The following GPM6A variants were observed in gnomAD, a reference collection of about 807,000 sequenced individuals.
GPM6A encodes neuronal membrane glycoprotein M6-a.
A neutral mutation model predicts 32.1 loss-of-function variants in GPM6A; 7 were observed. The observed-to-expected ratio is 0.22, with a 90% CI of 0.12 to 0.41. The LOEUF (loss-of-function observed/expected upper bound fraction) is 0.41. GPM6A is among the 10% of genes least tolerant of loss of function. The pLI is 1.00. For missense variants in GPM6A, 235 were observed against 347.2 expected (o/e 0.68, Z 2.57); for synonymous variants, 130 against 123.4 (o/e 1.05, Z -0.35).
chr4:175,948,994 T>TGTGTG (rs70962435), intron 1 of GPM6A, among the ~76,000 whole-genome samples: 2 of 137,390 alleles, frequency 1.5e-5, no homozygotes, highest in Non-Finnish European at 1.6e-5. Flanking sequence ...TGTGTGTGTG[T>TGTGTG]TGGGGGGATG....
At chr4:175,841,375 G>A (rs1028646618) in intron 1 of GPM6A, among the ~76,000 whole-genome samples, 7 of 151,942 alleles carry the variant, frequency 4.6e-5, no homozygotes, top group African/African-American at 1.5e-4. Context: ...CATATTTAAT[G>A]TACGCGCCTG....
intron 1 of GPM6A, among the ~76,000 whole-genome samples, chr4:175,867,261 C>T (rs754871682): frequency 2.0e-5 from 3 of 152,048 alleles, no homozygotes; most frequent in Non-Finnish European, 4.4e-5. Context: ...TTTTAATAAA[C>T]CCCAGTTTAT....
At chr4:175,988,685 T>C (rs903567773) in intron 1 of GPM6A, among the ~76,000 whole-genome samples, 2 of 152,142 alleles carry the variant, frequency 1.3e-5, no homozygotes, top group Admixed American at 1.3e-4. Context: ...GGTCTAAAGA[T>C]GCATGACAAA....
Position 175,864,419 on chromosome 4 carries a change from T to C in GPM6A, c.-22-52170A>G, listed in dbSNP as rs371266036. Among the ~76,000 whole-genome samples, 957 of 151,488 alleles carry C rather than the reference T, an allele frequency of 6.3e-3. 8 individuals carry two copies. The highest frequency in any genetic ancestry group is 0.022 in the African/African-American group (894 of 40,870). ...CTGGACTCAAGCAGTCTGCCCACATTTGCCTCCAACTTCCAAAGTGCTGGG... is the reference window on the plus strand; with the variant it reads ...CTGGACTCAAGCAGTCTGCCCACATCTGCCTCCAACTTCCAAAGTGCTGGG... On this transcript the variant is annotated intron_variant, in intron 1 of 7. Transcript: ENST00000280187.
At chr4:175,636,685 A>G (rs975364445) in intron 6 of GPM6A, among the ~76,000 whole-genome samples, 6 of 150,600 alleles carry the variant, frequency 4.0e-5, no homozygotes, top group Non-Finnish European at 8.9e-5. Flanking sequence ...AATCCCAGCT[A>G]CTCGGGAGGA....
intron 2 of GPM6A, among the ~76,000 whole-genome samples, chr4:175,696,455 G>A (rs1405652320): frequency 6.6e-6 from 1 of 152,034 alleles, no homozygotes; most frequent in Non-Finnish European, 1.5e-5. Flanking sequence ...GTGTTTTGAG[G>A]TTTTTAAAAA....
At chr4:175,746,212 G>A (rs557586184) in intron 1 of GPM6A, among the ~76,000 whole-genome samples, 23 of 152,112 alleles carry the variant, frequency 1.5e-4, no homozygotes, top group South Asian at 1.2e-3. Flanking sequence ...ATTGCTAAAA[G>A]GGAGAGAATT....
intron 1 of GPM6A, among the ~76,000 whole-genome samples, chr4:175,970,485 A>G (rs1740468521): frequency 6.6e-6 from 1 of 152,346 alleles, no homozygotes; most frequent in Non-Finnish European, 1.5e-5. Flanking sequence ...GTGTTATAAC[A>G]TATGTATTTA....
At chr4:175,962,577 T>C (rs113409260) in intron 1 of GPM6A, 298 of 316,172 alleles carry the variant, frequency 9.4e-4, no homozygotes, top group African/African-American at 5.9e-3. Flanking sequence ...TACTCATTAC[T>C]ACTTTGGTTT....
At chr4:175,736,828 G>A (rs1446306318) in intron 1 of GPM6A, among the ~76,000 whole-genome samples, 1 of 152,132 alleles carries the variant, frequency 6.6e-6, no homozygotes, top group African/African-American at 2.4e-5. Context: ...ACTGTGGATC[G>A]GTAAGATTAT....
intron 1 of GPM6A, among the ~76,000 whole-genome samples, chr4:175,742,924 A>T (rs889191917): frequency 6.6e-6 from 1 of 152,112 alleles, no homozygotes; most frequent in South Asian, 2.1e-4. Context: ...ATGTGGGAGG[A>T]TAACTTGAGA....
intron 6 of GPM6A, among the ~76,000 whole-genome samples, chr4:175,639,001 T>C (rs1740975972): frequency 6.6e-6 from 1 of 152,156 alleles, no homozygotes; most frequent in African/African-American, 2.4e-5. Flanking sequence ...ACCAACATGA[T>C]CCTTATCAAG....
At chr4:175,690,746 C>G (rs1204195514) in intron 2 of GPM6A, among the ~76,000 whole-genome samples, 1 of 152,222 alleles carries the variant, frequency 6.6e-6, no homozygotes, top group East Asian at 1.9e-4. Flanking sequence ...CCAGGAGGAT[C>G]TGCTCACCTC....
At position 175,791,804 on chromosome 4, in the gene GPM6A, G is replaced by A. The variant is rs980669494; in HGVS notation, c.37+20387C>T. Among the ~76,000 whole-genome samples the A allele has an allele frequency of 4.7e-4, 72 of 151,952 alleles. 1 individual carries two copies. The highest frequency in any genetic ancestry group is 1.7e-3 in the African/African-American group (69 of 41,374). On this transcript the variant is annotated intron_variant, in intron 1 of 6. Transcript: ENST00000393658. The stretch of plus-strand genomic sequence containing the variant: ...AGACACACACTTTTCTGTAACATGA[G>A]CAAACTAGTTTCCAAATATTTTGTG...
At chr4:175,882,822 A>G (rs1368460074) in intron 1 of GPM6A, among the ~76,000 whole-genome samples, 1 of 152,130 alleles carries the variant, frequency 6.6e-6, no homozygotes, top group Non-Finnish European at 1.5e-5. Context: ...CAGATGAGGT[A>G]AGCAGTGATT....
chr4:175,789,391 T>A (rs1345872815), intron 1 of GPM6A, among the ~76,000 whole-genome samples: 1 of 152,190 alleles, frequency 6.6e-6, no homozygotes, highest in Non-Finnish European at 1.5e-5. Context: ...TGATCTCACA[T>A]GTTGATTGTC....
chr4:175,763,541 G>A (rs1325359204), intron 1 of GPM6A, among the ~76,000 whole-genome samples: 1 of 152,026 alleles, frequency 6.6e-6, no homozygotes, highest in East Asian at 1.9e-4. Flanking sequence ...TTATTGATAG[G>A]TCAAATTCTT....
intron 1 of GPM6A, among the ~76,000 whole-genome samples, chr4:175,778,109 A>C (rs1733464504): frequency 6.6e-6 from 1 of 152,178 alleles, no homozygotes; most frequent in Non-Finnish European, 1.5e-5. Context: ...CTTATTAAAA[A>C]ATACCAGAGT....
chr4:175,713,958 T>C (rs1560891623), intron 1 of GPM6A, among the ~76,000 whole-genome samples: 1 of 152,198 alleles, frequency 6.6e-6, no homozygotes, highest in African/African-American at 2.4e-5. Flanking sequence ...TTTTTTTTTG[T>C]CTTTTAGTCC....
Sources: allele counts gnomAD v4.1 joint callset (sites outside exome capture counted in the v4.1 genomes callset), GRCh38; gene constraint gnomAD v4.1.1; transcripts MANE v1.5; gene names NCBI Gene and HGNC (gene_info 2026-07-23, HGNC 2026-07-21).